Variants in MMP28 observed in about 807,000 individuals in gnomAD.
MMP28 encodes the protein matrix metalloproteinase-28.
MMP28 carries 55 observed loss-of-function variants against 60.5 expected under a neutral mutation model. The observed-to-expected ratio is 0.91, with a 90% confidence interval of 0.73 to 1.14. MMP28 has a LOEUF of 1.14. MMP28 is among the 50% of genes most tolerant of loss of function. MMP28 has a pLI of 0.00. For synonymous variants in MMP28, 318 were observed against 312.5 expected (o/e 1.02, Z -0.18); for missense variants, 686 against 738.3 (o/e 0.93, Z 0.82).
Position 35,768,499 on chromosome 17 carries a change from G to A in MMP28, c.851-120C>T, listed in dbSNP as rs555002457. 11 of 792,818 alleles carry A rather than the reference G, an allele frequency of 1.4e-5. No homozygotes were observed. The East Asian group carries it at 2.6e-4, about 19-fold the overall frequency. The allele number at this position is 792,818 out of a possible 1,614,324, so 49.1% of individuals were successfully genotyped here. A position where few individuals can be genotyped will look rare whatever the true frequency, so the allele number is the denominator to read the frequency against. On this transcript the variant is annotated intron_variant, in intron 5 of 7. Coordinates refer to ENST00000605424, the MANE Select transcript of MMP28 (RefSeq NM_024302.5). ...ATCTAATATGAGGGGCAAGGAAGGA[G>A]AGTGGGAGTGGGGGTTAAGAGTTGT...
In MMP28 at chr17:35,765,993, G is replaced by T. The variant is rs1304821474; in HGVS notation, c.*507C>A. ...CCTGACCCCACAAAGGGCCTCTGAGGTTGGAGACGCCTGTGCCTTCATCCC... is the reference window on the plus strand; with the variant it reads ...CCTGACCCCACAAAGGGCCTCTGAGTTTGGAGACGCCTGTGCCTTCATCCC... On this transcript the variant is annotated 3_prime_UTR_variant, in exon 8 of 8. Transcript: ENST00000605424. The T allele has an allele frequency of 7.1e-6, 7 of 985,320 alleles. No homozygotes were observed. Among genetic ancestry groups the T allele is most frequent in the Non-Finnish European group, 8.4e-6 (7 of 829,942 alleles). The allele number at this position is 985,320 out of a possible 1,614,324, so 61.0% of individuals were successfully genotyped here.
At position 35,770,279 on chromosome 17, in the gene MMP28, C is replaced by A; in HGVS notation, c.638G>T (p.Arg213Leu). Residue 213 changes from arginine to leucine, a missense_variant, in exon 5 of 8, where the codon CGC becomes CTC. Transcript: ENST00000605424. ...ATCTTGGTCGAAGTGCGCTTCGCCG[C>A]GGCGGGGCAGGAAGGCGTGCGCCAG... ...GALAHAFLPR[R>L]GEAHFDQDER... 1 of 1,557,790 alleles carries A rather than the reference C, an allele frequency of 6.4e-7. No individual in the cohort carries two copies. The highest frequency in any genetic ancestry group is 1.4e-5 in the African/African-American group (1 of 73,854).
intron 2 of MMP28, 83 bp downstream of exon 2, chr17:35,779,161 G>C (rs1309479320): frequency 1.3e-5 from 20 of 1,569,794 alleles, no homozygotes; most frequent in Non-Finnish European, 1.6e-5. Flanking sequence ...TAGCCAGCCA[G>C]GCTTCCAGGA....
At chr17:35,768,610 G>A (rs1233519997) in intron 5 of MMP28, among the ~76,000 whole-genome samples, 1 of 152,148 alleles carries the variant, frequency 6.6e-6, no homozygotes, top group African/African-American at 2.4e-5. Context: ...TTAGGAGTTT[G>A]AGACCAGCCT....
In MMP28 at chr17:35,768,300, G is replaced by T; in HGVS notation, c.930C>A (p.Ser310Arg). 1 of 1,613,506 alleles carries T rather than the reference G, an allele frequency of 6.2e-7. No individual in the cohort carries two copies. The highest frequency in any genetic ancestry group is 8.5e-7 in the Non-Finnish European group (1 of 1,179,646). The change falls in exon 6 of 8, where the codon AGC (serine) becomes AGA (arginine). Residue 310 changes from serine to arginine, a missense_variant. Physicochemically the swap from Ser to Arg is moderately radical, Grantham distance 110. Coordinates refer to ENST00000605424, the MANE Select transcript of MMP28 (RefSeq NM_024302.5). ...FTDFETWDSYSPQGRRPETQG... is the reference protein window; with the variant it reads ...FTDFETWDSYRPQGRRPETQG... Reference sequence around the variant, plus strand: ...GCGTTTCAGGGCGCCTTCCTTGGGGGCTGTAGGAGTCCCAGGTCTCAAAGT... The same window carrying T: ...GCGTTTCAGGGCGCCTTCCTTGGGGTCTGTAGGAGTCCCAGGTCTCAAAGT...
chr17:35,794,989 C>G (rs963552003), intron 1 of MMP28, among the ~76,000 whole-genome samples: 1 of 152,208 alleles, frequency 6.6e-6, no homozygotes, highest in East Asian at 1.9e-4. Flanking sequence ...CCGTGCCAAA[C>G]TAGGGTAGGA....
Position 35,768,260 on chromosome 17 carries a change from A to C in MMP28, c.970T>G (p.Cys324Gly). 6.2e-7 allele frequency: 1 copy of C among 1,610,114 alleles called. No individual in the cohort carries two copies. The highest frequency in any genetic ancestry group is 8.5e-7 in the Non-Finnish European group (1 of 1,178,484). The stretch of plus-strand genomic sequence containing the variant: ...GTGATGGCATCGAAGGAAGAGTGGC[A>C]GTATTTAGGGCCCTGCGTTTCAGGG... ...RRPETQGPKYCHSSFDAITVD... is the reference protein window; with the variant it reads ...RRPETQGPKYGHSSFDAITVD... Residue 324 changes from cysteine (C) to glycine (G), a missense_variant, in exon 6 of 8, where the codon TGC becomes GGC. Physicochemically the swap from Cys to Gly is radical, Grantham distance 159. Coordinates refer to ENST00000605424, the MANE Select transcript of MMP28 (RefSeq NM_024302.5).
intron 1 of MMP28, among the ~76,000 whole-genome samples, chr17:35,782,858 G>T (rs909741706): frequency 6.6e-6 from 1 of 151,792 alleles, no homozygotes; most frequent in East Asian, 1.9e-4. Flanking sequence ...ACGGAGTCTC[G>T]CTCTGTCACC....
intron 2 of MMP28, among the ~76,000 whole-genome samples, chr17:35,760,109 C>G (rs1056595253): frequency 1.3e-5 from 2 of 152,196 alleles, no homozygotes; most frequent in African/African-American, 2.4e-5. Context: ...CCATTGCCCT[C>G]CACTCTCAGA....
At chr17:35,779,179 G>A (rs1598451476) in intron 2 of MMP28, 65 bp downstream of exon 2, 6 of 1,568,678 alleles carry the variant, frequency 3.8e-6, no homozygotes, top group South Asian at 3.5e-5. Context: ...GGAGGAGGGA[G>A]GAAATGGTCA....
rs771327669 is a variant in MMP28, at chr17:35,768,352, A to G, written c.878T>C (p.Val293Ala). Residue 293 changes from valine (V) to alanine (A), a missense_variant, in exon 6 of 8, where the codon GTC becomes GCC. Physicochemically the swap from Val to Ala is moderately conservative, Grantham distance 64. Transcript: ENST00000605424. The part of the protein sequence containing the change: ...YGKPLGGSVA[V>A]QLPGKLFTDF... ...AGTGAACAGCTTTCCTGGGAGCTGG[A>G]CGGCCACTGAGCCCCCTAGGGGCTT... is the stretch of plus-strand genomic sequence containing the variant. The G allele has an allele frequency of 1.1e-4, 170 of 1,611,648 alleles. No homozygotes were observed. Among genetic ancestry groups the G allele is most frequent in the Non-Finnish European group, 1.4e-4 (164 of 1,179,036 alleles).
downstream of MMP28, among the ~76,000 whole-genome samples, chr17:35,763,100 C>A (rs1191915047): frequency 7.0e-6 from 1 of 143,418 alleles, no homozygotes; most frequent in African/African-American, 2.6e-5. Context: ...CCAGCCTGGG[C>A]GACAGAGCGA....
At chr17:35,776,265 G>A (rs952100561) in intron 3 of MMP28, among the ~76,000 whole-genome samples, 5 of 151,810 alleles carry the variant, frequency 3.3e-5, no homozygotes, top group South Asian at 2.1e-4. Flanking sequence ...TCTACCTCCC[G>A]GGTTCAAGGA....
chr17:35,793,192 A>G (rs1159258895), intron 1 of MMP28, among the ~76,000 whole-genome samples: 1 of 152,210 alleles, frequency 6.6e-6, no homozygotes, highest in African/African-American at 2.4e-5. Flanking sequence ...CCCCTTCCCC[A>G]AATTTATGTT....
At chr17:35,771,451 A>G (rs2086137276) in intron 4 of MMP28, among the ~76,000 whole-genome samples, 3 of 148,328 alleles carry the variant, frequency 2.0e-5, no homozygotes, top group Admixed American at 2.0e-4. Context: ...AAAAAAAAAA[A>G]GAATTACTTT....
At chr17:35,786,482 T>G (rs2086651722) in intron 1 of MMP28, among the ~76,000 whole-genome samples, 1 of 152,152 alleles carries the variant, frequency 6.6e-6, no homozygotes, top group Non-Finnish European at 1.5e-5. Context: ...CTCCATCTCA[T>G]GTTACATTTT....
At chr17:35,767,521 T>C (rs2085982545) in intron 7 of MMP28, among the ~76,000 whole-genome samples, 1 of 152,096 alleles carries the variant, frequency 6.6e-6, no homozygotes, top group Non-Finnish European at 1.5e-5. Context: ...TGCTTCCCTC[T>C]AGACTCCTCT....
At chr17:35,758,860 T>C (rs1317254433) in intron 2 of MMP28, among the ~76,000 whole-genome samples, 1 of 152,052 alleles carries the variant, frequency 6.6e-6, no homozygotes, top group African/African-American at 2.4e-5. Flanking sequence ...AAAGGGCTAC[T>C]AGGCAGATTA....
intron 1 of MMP28, among the ~76,000 whole-genome samples, chr17:35,794,510 T>G (rs189655985): frequency 6.6e-6 from 1 of 152,084 alleles, no homozygotes; most frequent in East Asian, 2.0e-4. Context: ...CCTCCCAAAG[T>G]GCTGGGATTA....
Sources: gnomAD v4.1 joint callset for allele counts (sites outside exome capture counted in the v4.1 genomes callset) on GRCh38, gnomAD v4.1.1 for gene constraint, MANE v1.5 for transcripts, NCBI Gene and HGNC (gene_info 2026-07-23, HGNC 2026-07-21) for gene names.